SPOCK3: variants seen among roughly 807,000 people sequenced by gnomAD.
SPOCK3 encodes SPARC (osteonectin), cwcv and kazal like domains proteoglycan 3, also known as testican-3.
A neutral mutation model predicts 56.6 loss-of-function variants in SPOCK3; 30 were observed. The ratio of observed to expected loss-of-function variants is 0.53; its 90% CI spans 0.40 to 0.72. The LOEUF (loss-of-function observed/expected upper bound fraction) is 0.72, where lower values mean the gene tolerates loss of function less well. Among genes scored for constraint, SPOCK3 ranks in the 30% least tolerant of loss-of-function variants. SPOCK3 has a pLI of 0.00. For synonymous variants in SPOCK3, 196 were observed against 183.3 expected, an observed-to-expected ratio of 1.07 and a Z score of -0.56; for missense variants, 527 against 530.0, an observed-to-expected ratio of 0.99 and a Z score of 0.06.
chr4:166,883,980 C>A (rs541111783), intron 6 of SPOCK3, among the ~76,000 whole-genome samples: 10 of 151,998 alleles, frequency 6.6e-5, no homozygotes, highest in Non-Finnish European at 1.0e-4. Context: ...TTTTTAATTA[C>A]AAAATATTAT....
At chr4:166,753,940 T>C (rs1333610601) in intron 8 of SPOCK3, 2 of 234,780 alleles carry the variant, frequency 8.5e-6, no homozygotes, top group African/African-American at 4.7e-5. Flanking sequence ...CCATTCCAAC[T>C]TTTCACTTAC....
chr4:166,930,489 A>T (rs1312981142), intron 4 of SPOCK3, among the ~76,000 whole-genome samples: 2 of 59,160 alleles, frequency 3.4e-5, no homozygotes, highest in African/African-American at 2.4e-4. Context: ...TACCCTTGTT[A>T]AAAAAAAAAA....
rs184633099 is a variant in SPOCK3, at chr4:166,898,365, C to G, written c.475-9121G>C. Among the ~76,000 whole-genome samples, 589 of 152,068 alleles carry G rather than the reference C, an allele frequency of 3.9e-3. 5 individuals carry two copies. The highest frequency in any genetic ancestry group is 0.014 in the African/African-American group (566 of 41,488). Reference sequence around the variant, plus strand: ...CTCTCTCTCCAAGTGAGACAGAAGGCCCAGTACACTCATTCACCTATACTG... The same window carrying G: ...CTCTCTCTCCAAGTGAGACAGAAGGGCCAGTACACTCATTCACCTATACTG... On this transcript the variant is annotated intron_variant, in intron 5 of 10. Coordinates refer to ENST00000357545, the MANE Select transcript of SPOCK3 (RefSeq NM_001040159.2).
intron 6 of SPOCK3, among the ~76,000 whole-genome samples, chr4:166,826,180 A>G (rs1393832828): frequency 1.3e-5 from 2 of 152,150 alleles, no homozygotes; most frequent in Admixed American, 6.6e-5. Flanking sequence ...TTTAAAAATA[A>G]CTTGCAAAAA....
At chr4:167,067,907 T>C (rs1756318247) in intron 2 of SPOCK3, among the ~76,000 whole-genome samples, 1 of 151,798 alleles carries the variant, frequency 6.6e-6, no homozygotes, top group Admixed American at 6.6e-5. Context: ...AATTACATTT[T>C]ATTATGTTAA....
chr4:167,040,399 C>T (rs1239086668), intron 3 of SPOCK3, among the ~76,000 whole-genome samples: 1 of 152,142 alleles, frequency 6.6e-6, no homozygotes, highest in African/African-American at 2.4e-5. Flanking sequence ...AAGTCCCTTA[C>T]CTTTTTGATT....
intron 4 of SPOCK3, among the ~76,000 whole-genome samples, chr4:166,937,347 T>C (rs959789200): frequency 6.6e-6 from 1 of 151,058 alleles, no homozygotes; most frequent in African/African-American, 2.4e-5. Context: ...CTATGAATGA[T>C]GTGTAAGGTG....
chr4:166,950,648 C>T (rs1211450521), intron 4 of SPOCK3, among the ~76,000 whole-genome samples: 2 of 150,212 alleles, frequency 1.3e-5, no homozygotes, highest in African/African-American at 5.0e-5. Context: ...TTCAGCACCA[C>T]ACCACACCTA....
chr4:166,915,624 A>G (rs757489315), intron 4 of SPOCK3, among the ~76,000 whole-genome samples: 2 of 152,176 alleles, frequency 1.3e-5, no homozygotes, highest in Non-Finnish European at 2.9e-5. Flanking sequence ...ATGAAGTCAC[A>G]TAGTCATTGT....
intron 2 of SPOCK3, among the ~76,000 whole-genome samples, chr4:167,067,452 G>T (rs1351346102): frequency 2.6e-5 from 4 of 151,760 alleles, no homozygotes; most frequent in African/African-American, 9.7e-5. Context: ...ATGTCAAAGT[G>T]ATGATTATCA....
chr4:167,129,218 T>C (rs1762521202), intron 2 of SPOCK3, among the ~76,000 whole-genome samples: 1 of 152,174 alleles, frequency 6.6e-6, no homozygotes, highest in Non-Finnish European at 1.5e-5. Flanking sequence ...TAAGTAACTG[T>C]GAAGATAGGG....
At chr4:167,205,455 TAA>T (rs1734125466) in intron 2 of SPOCK3, among the ~76,000 whole-genome samples, 1 of 49,904 alleles carries the variant, frequency 2.0e-5, no homozygotes, top group African/African-American at 8.4e-5. Context: ...ATATATTATA[TAA>T]ATATATAGAA....
intron 6 of SPOCK3, among the ~76,000 whole-genome samples, chr4:166,816,835 G>A (rs917712938): frequency 5.9e-5 from 9 of 152,042 alleles, no homozygotes; most frequent in African/African-American, 2.2e-4. Flanking sequence ...TCTGTGGTAT[G>A]GTGTTAAGCA....
intron 7 of SPOCK3, among the ~76,000 whole-genome samples, chr4:166,791,842 G>C (rs1444972473): frequency 6.6e-6 from 1 of 152,046 alleles, no homozygotes; most frequent in Admixed American, 6.6e-5. Flanking sequence ...AAAAATCTAA[G>C]TACTCCAATT....
intron 2 of SPOCK3, among the ~76,000 whole-genome samples, chr4:167,183,158 C>G (rs1731646900): frequency 6.6e-6 from 1 of 152,002 alleles, no homozygotes; most frequent in Non-Finnish European, 1.5e-5. Context: ...ACTGCAGTAA[C>G]AAGCAGAGAC....
At chr4:166,872,435 A>G (rs1394436248) in intron 6 of SPOCK3, among the ~76,000 whole-genome samples, 1 of 152,170 alleles carries the variant, frequency 6.6e-6, no homozygotes, top group East Asian at 1.9e-4. Context: ...ACGGAAAAAC[A>G]AAAACAAACT....
chr4:167,080,656 G>T (rs1757618850), intron 2 of SPOCK3, among the ~76,000 whole-genome samples: 3 of 151,848 alleles, frequency 2.0e-5, no homozygotes. Flanking sequence ...AATGACAAAA[G>T]CAACAGAGGC....
chr4:167,168,222 C>A (rs985980123), intron 2 of SPOCK3, among the ~76,000 whole-genome samples: 4 of 152,000 alleles, frequency 2.6e-5, no homozygotes, highest in Non-Finnish European at 5.9e-5. Flanking sequence ...TGGTAGAGTG[C>A]GGTGCTGCTG....
chr4:166,781,259 T>C (rs1428347222), intron 7 of SPOCK3, among the ~76,000 whole-genome samples: 1 of 152,098 alleles, frequency 6.6e-6, no homozygotes, highest in African/African-American at 2.4e-5. Context: ...GATTTAGACA[T>C]AATCAGAGAA....
Sources: gnomAD v4.1 joint callset for allele counts (sites outside exome capture counted in the v4.1 genomes callset) on GRCh38, gnomAD v4.1.1 for gene constraint, MANE v1.5 for transcripts, NCBI Gene and HGNC (gene_info 2026-07-23, HGNC 2026-07-21) for gene names.